Variants in ING3 observed in about 807,000 individuals in gnomAD.
ING3 encodes inhibitor of growth protein 3.
A neutral mutation model predicts 64.8 loss-of-function variants in ING3; 6 were observed. That is an observed-to-expected ratio of 0.09 (90% confidence interval 0.05 to 0.18). The LOEUF (loss-of-function observed/expected upper bound fraction) is 0.18. Ranked by LOEUF, ING3 falls within the 10% of genes least tolerant of loss-of-function variation. The pLI is 1.00. For synonymous variants in ING3, 170 were observed against 173.7 expected, an observed-to-expected ratio of 0.98 and a Z score of 0.17; for missense variants, 310 against 489.7, an observed-to-expected ratio of 0.63 and a Z score of 3.46.
chr7:120,973,162 T>A, intron 10 of ING3, 43 bp from the exon 11 acceptor site: 1 of 1,104,734 alleles, frequency 9.1e-7, no homozygotes. Flanking sequence ...TCTAGGTGTT[T>A]GTTACATAGT....
intron 8 of ING3, among the ~76,000 whole-genome samples, chr7:120,968,752 A>G (rs1194577400): frequency 6.7e-6 from 1 of 149,794 alleles, no homozygotes; most frequent in Non-Finnish European, 1.5e-5. Context: ...AGGCTATGGC[A>G]GGAGAATTGC....
intron 3 of ING3, among the ~76,000 whole-genome samples, chr7:120,955,248 C>T (rs1795828742): frequency 6.6e-6 from 1 of 152,164 alleles, no homozygotes; most frequent in Non-Finnish European, 1.5e-5. Flanking sequence ...TGTGCCTCAA[C>T]CTCCTGAGTA....
intron 4 of ING3, among the ~76,000 whole-genome samples, chr7:120,957,537 T>G (rs1795867933): frequency 6.6e-6 from 1 of 152,302 alleles, no homozygotes; most frequent in East Asian, 1.9e-4. Context: ...TGAAAAACAT[T>G]GAAGTAAGTC....
At chr7:120,951,345 C>T (rs1795761937) in intron 2 of ING3, 110 bp downstream of exon 2, 4 of 991,038 alleles carry the variant, frequency 4.0e-6, no homozygotes, top group Non-Finnish European at 6.3e-6. Flanking sequence ...GCTCACTCCG[C>T]TAGTGCATAA....
chr7:120,953,481 G>C lies in ING3; in HGVS notation c.201+77G>C, dbSNP rs1326460049. On this transcript the variant is annotated intron_variant, in intron 3 of 11. Coordinates refer to ENST00000315870, the MANE Select transcript of ING3 (RefSeq NM_019071.3). ...AAAGATATTTCAAAATTAAATAGTG[G>C]TCTGGATATCAAAATGAGAGAATAT... 7 of 804,338 alleles carry C rather than the reference G, an allele frequency of 8.7e-6. No individual in the cohort carries two copies. The Admixed American group carries it at 1.7e-4, about 19-fold the overall frequency. The allele number at this position is 804,338 out of a possible 1,614,324, so 49.8% of individuals were successfully genotyped here.
chr7:120,969,524 T>G (rs1048509404), intron 9 of ING3, among the ~76,000 whole-genome samples: 1 of 152,172 alleles, frequency 6.6e-6, no homozygotes, highest in African/African-American at 2.4e-5. Context: ...TATTTTGCCA[T>G]GTGTTTCAAG....
intron 4 of ING3, chr7:120,956,229 A>G (rs1795845165): frequency 6.3e-7 from 1 of 1,590,114 alleles, no homozygotes; most frequent in East Asian, 2.3e-5. Context: ...TATTGATGCA[A>G]TTGTGGTGCT....
chr7:120,954,197 G>T (rs1004353743), intron 3 of ING3, among the ~76,000 whole-genome samples: 1 of 152,054 alleles, frequency 6.6e-6, no homozygotes, highest in Non-Finnish European at 1.5e-5. Context: ...AGGCTGAGGC[G>T]GGTGGATCAC....
intron 4 of ING3, among the ~76,000 whole-genome samples, chr7:120,963,454 A>G (rs190801481): frequency 6.6e-6 from 1 of 151,812 alleles, no homozygotes; most frequent in Non-Finnish European, 1.5e-5. Flanking sequence ...CAAAAAAAAA[A>G]CAGTTGTTTT....
At chr7:120,956,452 A>G in intron 4 of ING3, 1 of 1,184,834 alleles carries the variant, frequency 8.4e-7, no homozygotes, top group Non-Finnish European at 1.1e-6. Flanking sequence ...AGGACACAAG[A>G]TAAAAGGTGA....
intron 7 of ING3, 126 bp from the exon 8 acceptor site, chr7:120,967,808 A>G: frequency 8.2e-7 from 1 of 1,219,196 alleles, no homozygotes; most frequent in Non-Finnish European, 1.1e-6. Flanking sequence ...TATTCAGTTG[A>G]CTTAATGTAC....
intron 10 of ING3, 117 bp downstream of exon 10, chr7:120,970,997 C>T (rs576489545): frequency 9.4e-7 from 1 of 1,063,120 alleles, no homozygotes; most frequent in Admixed American, 2.5e-5. Flanking sequence ...TATTTGTATA[C>T]TTTTCTCCCC....
At chr7:120,961,594 A>G (rs1232385478) in intron 4 of ING3, among the ~76,000 whole-genome samples, 2 of 152,152 alleles carry the variant, frequency 1.3e-5, no homozygotes, top group African/African-American at 4.8e-5. Flanking sequence ...AAAGATTACA[A>G]CTCTATGCAA....
intron 10 of ING3, among the ~76,000 whole-genome samples, chr7:120,971,104 T>G (rs1210619703): frequency 6.6e-6 from 1 of 152,224 alleles, no homozygotes; most frequent in Non-Finnish European, 1.5e-5. Context: ...CTAAACATTT[T>G]TGGTATACCA....
intron 2 of ING3, among the ~76,000 whole-genome samples, chr7:120,951,965 A>T (rs964668385): frequency 3.3e-5 from 5 of 152,210 alleles, no homozygotes; most frequent in Non-Finnish European, 7.3e-5. Context: ...GCTGCAGCTA[A>T]GAACCTGTCC....
intron 4 of ING3, chr7:120,955,988 T>C: frequency 1.7e-6 from 1 of 597,654 alleles, no homozygotes; most frequent in Non-Finnish European, 3.0e-6. Flanking sequence ...TGTGGTAAAA[T>C]ACACCTAAGA....
intron 4 of ING3, chr7:120,956,026 G>T: frequency 1.5e-6 from 1 of 682,418 alleles, no homozygotes; most frequent in African/African-American, 1.8e-5. Context: ...GTTCTTGGTA[G>T]TCTGATTAAA....
rs1355725270 is a variant in ING3 at position 120,968,006 on chromosome 7, C to T, written c.629C>T (p.Ser210Phe). 1 of 1,614,064 alleles carries T rather than the reference C, an allele frequency of 6.2e-7. No individual in the cohort carries two copies. Residue 210 changes from serine to phenylalanine, a missense_variant, in exon 8 of 12, where the codon TCC becomes TTC. Physicochemically the swap from Ser to Phe is radical, Grantham distance 155. This residue lies in a region of ING3 where 233 missense variants were observed against 289.4 expected (regional missense o/e 0.81). Coordinates refer to ENST00000315870, the MANE Select transcript of ING3 (RefSeq NM_019071.3). Reference protein sequence around the residue: ...YNVNSSQPLGSYNIGSLSSGT... With the variant: ...YNVNSSQPLGFYNIGSLSSGT... ...GTGAATTCCTCCCAACCTCTGGGAT[C>T]CTATAACATTGGCTCGTTATCTTCA...
Position 120,970,412 on chromosome 7 carries a change from C to T in ING3, c.909-276C>T, listed in dbSNP as rs535638364. On this transcript the variant is annotated intron_variant, in intron 9 of 11. Transcript: ENST00000315870. ...CCTGGGAGGTGGAGCTTGCGGTGTGCAGAGATCGCGCCACTGCACTCCAGT... is the reference window on the plus strand; with the variant it reads ...CCTGGGAGGTGGAGCTTGCGGTGTGTAGAGATCGCGCCACTGCACTCCAGT... Among the ~76,000 whole-genome samples the T allele has an allele frequency of 1.7e-4, 25 of 149,102 alleles. 2 individuals carry two copies. In the South Asian group the frequency reaches 5.1e-3, roughly 30 times the overall value.
Sources: gnomAD v4.1 joint callset for allele counts (sites outside exome capture counted in the v4.1 genomes callset) on GRCh38, gnomAD v4.1.1 for gene constraint, gnomAD v4.1.1 regional missense constraint, MANE v1.5 for transcripts, NCBI Gene and HGNC (gene_info 2026-07-23, HGNC 2026-07-21) for gene names.